CAST: variants seen among roughly 807,000 people sequenced by gnomAD.
The protein encoded by CAST is calpastatin.
A neutral mutation model predicts 119.6 loss-of-function variants in CAST; 76 were observed. The ratio of observed to expected loss-of-function variants is 0.64; its 90% CI spans 0.53 to 0.77. The LOEUF (loss-of-function observed/expected upper bound fraction) is 0.77, where lower values mean the gene tolerates loss of function less well. Ranked by LOEUF, CAST falls within the 30% of genes least tolerant of loss-of-function variation. The probability of loss-of-function intolerance (pLI) is 0.00; values close to 1 mark genes in which losing one functional copy is unlikely to be tolerated. For missense variants in CAST, 953 were observed against 946.5 expected (o/e 1.01, Z -0.09); for synonymous variants, 319 against 331.6 (o/e 0.96, Z 0.41).
the CAST span, among the ~76,000 whole-genome samples, chr5:96,485,937 G>T: frequency 6.6e-6 from 1 of 152,086 alleles, no homozygotes; most frequent in Non-Finnish European, 1.5e-5. Flanking sequence ...CTTAGATTTT[G>T]TTGTATTTTT....
At chr5:96,658,476 T>C (rs1748194932), upstream of CAST, among the ~76,000 whole-genome samples, 1 of 152,336 alleles carries the variant, frequency 6.6e-6, no homozygotes, top group South Asian at 2.1e-4. Context: ...GCTCATTTTA[T>C]GGTCTACAGA....
chr5:96,298,830 G>C, the CAST span, among the ~76,000 whole-genome samples: 1 of 151,280 alleles, frequency 6.6e-6, no homozygotes, highest in Non-Finnish European at 1.5e-5. Context: ...TTTCAGTTAG[G>C]GAGAAGATTT....
At chr5:96,646,971 A>C (rs10515242) in intron 1 of CAST, among the ~76,000 whole-genome samples, 7,195 of 152,306 alleles carry the variant, frequency 0.047, 254 homozygotes, top group Middle Eastern at 0.085. Context: ...CTACCAAATG[A>C]AAAGTTGTAA....
chr5:96,061,643 CAG>C, the CAST span, among the ~76,000 whole-genome samples: 1 of 139,522 alleles, frequency 7.2e-6, no homozygotes. Flanking sequence ...CCTTGTTATT[CAG>C]TGTGTGTGTG....
the CAST span, among the ~76,000 whole-genome samples, chr5:96,063,986 T>A: frequency 6.6e-6 from 1 of 152,158 alleles, no homozygotes; most frequent in African/African-American, 2.4e-5. Flanking sequence ...TTCCCAAGCA[T>A]ACATGATCCA....
chr5:96,710,068 T>C (rs910360420), intron 3 of CAST, among the ~76,000 whole-genome samples: 2 of 152,202 alleles, frequency 1.3e-5, no homozygotes, highest in African/African-American at 4.8e-5. Context: ...ATTATTGAGG[T>C]ACTTCAGGGC....
rs1438904711 is a variant in CAST at position 96,572,307 on chromosome 5, T to A, written c.60+42427T>A. ...CCTCTGCCTCCTGGGTTCGAGCAAT[T>A]CTCCTACTTCAGCCTCCCGAGTAGC... On this transcript the variant is annotated intron_variant, in intron 1 of 11. Coordinates refer to the CAST transcript ENST00000505143. Among the ~76,000 whole-genome samples, 7 of 152,188 alleles carry A rather than the reference T, an allele frequency of 4.6e-5. No homozygotes were observed. The East Asian group carries it at 1.2e-3, about 25-fold the overall frequency.
At chr5:95,983,072 C>T in the CAST span, among the ~76,000 whole-genome samples, 8 of 152,142 alleles carry the variant, frequency 5.3e-5, no homozygotes, top group Non-Finnish European at 1.0e-4. Context: ...CAGCCAGACA[C>T]AAGAAAATAC....
the CAST span, among the ~76,000 whole-genome samples, chr5:96,375,706 T>G: frequency 6.6e-6 from 1 of 151,616 alleles, no homozygotes; most frequent in Non-Finnish European, 1.5e-5. Flanking sequence ...ATAATGTGGG[T>G]TGGCCTTACC....
the CAST span, chr5:96,393,439 T>C: frequency 1.9e-6 from 3 of 1,594,016 alleles, no homozygotes; most frequent in Non-Finnish European, 2.6e-6. Flanking sequence ...CCAGGCAAGC[T>C]AGTTGCAACC....
chr5:96,452,053 T>C, the CAST span, among the ~76,000 whole-genome samples: 1 of 152,170 alleles, frequency 6.6e-6, no homozygotes, highest in Admixed American at 6.5e-5. Context: ...GGAATGTAAA[T>C]TAGTTCAACC....
chr5:96,307,627 G>A, the CAST span, among the ~76,000 whole-genome samples: 4 of 152,166 alleles, frequency 2.6e-5, no homozygotes, highest in African/African-American at 9.7e-5. Flanking sequence ...TCCTTCAGGA[G>A]CTCTTGTAAG....
chr5:96,098,508 A>G, the CAST span, among the ~76,000 whole-genome samples: 1 of 152,178 alleles, frequency 6.6e-6, no homozygotes, highest in East Asian at 1.9e-4. Flanking sequence ...TATGTGGTGT[A>G]AGGAAGGGGT....
chr5:96,626,550 A>G (rs766471884), intron 1 of CAST, among the ~76,000 whole-genome samples: 25 of 151,944 alleles, frequency 1.6e-4, no homozygotes, highest in Non-Finnish European at 3.1e-4. Context: ...CTGTTTCCTG[A>G]TTCCTCTGAT....
intron 1 of CAST, among the ~76,000 whole-genome samples, chr5:96,643,812 G>A (rs1328010310): frequency 6.6e-6 from 1 of 152,204 alleles, no homozygotes; most frequent in Non-Finnish European, 1.5e-5. Flanking sequence ...GGCCGAGATT[G>A]CAGTGAGCCC....
At chr5:96,169,400 G>A in the CAST span, among the ~76,000 whole-genome samples, 1 of 152,144 alleles carries the variant, frequency 6.6e-6, no homozygotes, top group East Asian at 1.9e-4. Flanking sequence ...ATGGGTTGTG[G>A]AGGGAGGTAT....
chr5:96,701,598 A>G (rs1376693392), intron 3 of CAST, among the ~76,000 whole-genome samples: 2 of 152,128 alleles, frequency 1.3e-5, no homozygotes, highest in Non-Finnish European at 2.9e-5. Flanking sequence ...TCAGGTCAGG[A>G]GTTCGAGACC....
At position 96,770,578 on chromosome 5, in the gene CAST, A is replaced by G. The variant is rs1238960448; in HGVS notation, c.2316A>G (p.Gly772=). ...AASSSKAPKN[G]GKAKDSAKTT... ...CCAGCTCCAAAGCACCTAAGAATGG[A>G]GGTAAAGCGAAGGATTCAGCAAAGG... is the stretch of plus-strand genomic sequence containing the variant. Residue 772 remains glycine (G), a synonymous_variant, in exon 30 of 32, where the codon GGA becomes GGG. Coordinates refer to ENST00000675179, the MANE Select transcript of CAST (RefSeq NM_001750.7). The G allele has an allele frequency of 6.2e-7, 1 of 1,612,608 alleles. No individual in the cohort carries two copies. Among genetic ancestry groups the G allele is most frequent in the South Asian group, 1.1e-5 (1 of 91,042 alleles).
chr5:96,574,027 T>TAATTGGATTGATTCA (rs1561420492), intron 1 of CAST, among the ~76,000 whole-genome samples: 2 of 5,660 alleles, frequency 3.5e-4, no homozygotes, highest in Non-Finnish European at 5.1e-4. Flanking sequence ...GCCCACTTTC[T>TAATTGGATTGATTCA]TTTTTTTTTT....
Sources: gnomAD v4.1 joint callset for allele counts (sites outside exome capture counted in the v4.1 genomes callset) on GRCh38, gnomAD v4.1.1 for gene constraint, MANE v1.5 for transcripts, NCBI Gene and HGNC (gene_info 2026-07-23, HGNC 2026-07-21) for gene names.